CAB39L: variants seen among roughly 807,000 people sequenced by gnomAD.
CAB39L encodes the protein calcium-binding protein 39-like.
In CAB39L, 23 loss-of-function variants were observed where a neutral mutation model predicts 39.1. The observed-to-expected ratio is 0.59, with a 90% CI of 0.42 to 0.83. CAB39L has a LOEUF of 0.83. Ranked by LOEUF, CAB39L falls within the 40% of genes least tolerant of loss-of-function variation. The pLI, the probability that CAB39L is intolerant of heterozygous loss-of-function variation, is 0.00. For missense variants in CAB39L, 366 were observed against 391.9 expected, an observed-to-expected ratio of 0.93 and a Z score of 0.56; for synonymous variants, 126 against 137.2, an observed-to-expected ratio of 0.92 and a Z score of 0.57.
chr13:49,436,709 TTTTGA>T (rs1354816740), intron 1 of CAB39L, among the ~76,000 whole-genome samples: 4 of 151,924 alleles, frequency 2.6e-5, no homozygotes, highest in Admixed American at 2.0e-4. Context: ...CTGATTTTTC[TTTTGA>T]TTTATTTTAT....
At position 49,308,995 on chromosome 13, in the gene CAB39L, C is replaced by T. The variant is rs1251113915; in HGVS notation, c.*1819G>A. 6.6e-6 allele frequency: 1 copy of T among 152,172 alleles called. No homozygotes were observed. The highest frequency in any genetic ancestry group is 2.4e-5 in the African/African-American group (1 of 41,432). The allele number at this position is 152,172 out of a possible 1,614,324, so 9.4% of individuals were successfully genotyped here. On this transcript the variant is annotated 3_prime_UTR_variant, in exon 11 of 11. Transcript: ENST00000409308. ...ACTCTCCAAAGGAAAACAGACGTCCCAAGATGTTGTGGAACAGTATTAAGT... is the reference window on the plus strand; with the variant it reads ...ACTCTCCAAAGGAAAACAGACGTCCTAAGATGTTGTGGAACAGTATTAAGT...
Position 49,414,535 on chromosome 13 carries a change from T to C in CAB39L, c.-32+18783A>G, listed in dbSNP as rs182326962. On this transcript the variant is annotated intron_variant, in intron 3 of 10. Coordinates refer to ENST00000409308, the MANE Select transcript of CAB39L (RefSeq NM_001079670.3). ...TTGAATAAATTATGTTATGCTACCA[T>C]CTTAGAATATTATAGACATATAAAA... Among the ~76,000 whole-genome samples the C allele has an allele frequency of 1.9e-3, 287 of 152,278 alleles. 2 individuals are homozygous for C. The highest frequency in any genetic ancestry group is 6.7e-3 in the African/African-American group (279 of 41,562).
rs538151690 is a variant in CAB39L at position 49,330,998 on chromosome 13, A to G, written c.834+949T>C. Among the ~76,000 whole-genome samples the G allele has an allele frequency of 3.2e-4, 48 of 152,308 alleles. 1 individual carries two copies. In the South Asian group the frequency reaches 3.5e-3, roughly 11 times the overall value. On this transcript the variant is annotated intron_variant, in intron 10 of 10. Coordinates refer to ENST00000409308, the MANE Select transcript of CAB39L (RefSeq NM_001079670.3). ...TAATGAAAATGGTTACTTATGGTAT[A>G]GCATTAAGTAATAAAATTAGGATAT...
In CAB39L at chr13:49,344,255, C is replaced by T. The variant is rs990607278; in HGVS notation, c.565-17G>A. The T allele has an allele frequency of 1.3e-6, 2 of 1,494,708 alleles. No individual in the cohort carries two copies. The highest frequency in any genetic ancestry group is 2.8e-5 in the African/African-American group (2 of 72,422). 92.6% of individuals were successfully genotyped at this position (1,494,708 alleles called of 1,614,324 possible). A position where few individuals can be genotyped will look rare whatever the true frequency, so the allele number is the denominator to read the frequency against. Reference sequence around the variant, plus strand: ...TAGTAAATCCTAGAAAAAGAAAAACCAAGTGAAACAAAACTGTTATAGCTA... The same window carrying T: ...TAGTAAATCCTAGAAAAAGAAAAACTAAGTGAAACAAAACTGTTATAGCTA... On this transcript the variant is annotated splice_polypyrimidine_tract_variant and intron_variant, in intron 7 of 10. Transcript: ENST00000409308.
At chr13:49,311,024 T>C (rs942969662) in intron 10 of CAB39L, 31 bp from the exon 11 acceptor site, 1 of 1,602,530 alleles carries the variant, frequency 6.2e-7, no homozygotes, top group Non-Finnish European at 8.5e-7. Flanking sequence ...TACTTAGGAG[T>C]GCAAGCCAGG....
intron 10 of CAB39L, among the ~76,000 whole-genome samples, chr13:49,322,278 G>A (rs902036499): frequency 2.0e-4 from 31 of 152,128 alleles, no homozygotes; most frequent in African/African-American, 6.0e-4. Context: ...CTTCTTTCAC[G>A]TAGCACAATG....
intron 5 of CAB39L, among the ~76,000 whole-genome samples, chr13:49,366,299 A>G (rs1955768106): frequency 6.6e-6 from 1 of 152,152 alleles, no homozygotes. Flanking sequence ...TGTGGTTATT[A>G]CACATTACAT....
chr13:49,375,239 T>C (rs189393399), intron 5 of CAB39L, among the ~76,000 whole-genome samples: 175 of 152,258 alleles, frequency 1.1e-3, no homozygotes, highest in African/African-American at 3.4e-3. Flanking sequence ...TCCTATTTTA[T>C]AGATGAGAAA....
intron 5 of CAB39L, among the ~76,000 whole-genome samples, chr13:49,366,908 C>T (rs1037880808): frequency 6.6e-6 from 1 of 152,002 alleles, no homozygotes; most frequent in Non-Finnish European, 1.5e-5. Context: ...CCCAGCTACT[C>T]GGGAAGCTGA....
chr13:49,410,395 T>C (rs1215864549), intron 3 of CAB39L, among the ~76,000 whole-genome samples: 1 of 152,230 alleles, frequency 6.6e-6, no homozygotes, highest in Non-Finnish European at 1.5e-5. Context: ...TGTGTCATAC[T>C]CCAATTTTCC....
intron 4 of CAB39L, among the ~76,000 whole-genome samples, chr13:49,380,460 G>A (rs1223935538): frequency 6.6e-6 from 1 of 152,110 alleles, no homozygotes; most frequent in African/African-American, 2.4e-5. Context: ...CAAATCCATA[G>A]AGGCAGAAAG....
chr13:49,363,798 G>A (rs1245139195), intron 5 of CAB39L, among the ~76,000 whole-genome samples: 1 of 150,074 alleles, frequency 6.7e-6, no homozygotes, highest in East Asian at 2.0e-4. Context: ...ACTCCAGCCT[G>A]GATGACAGAG....
intron 5 of CAB39L, 56 bp from the exon 6 acceptor site, chr13:49,359,888 A>T (rs1955586143): frequency 3.2e-6 from 3 of 943,290 alleles, no homozygotes; most frequent in Non-Finnish European, 5.1e-6. Context: ...TGAATTGTAT[A>T]GTATGTGGAA....
At chr13:49,330,894 T>C (rs1186747632) in intron 10 of CAB39L, among the ~76,000 whole-genome samples, 2 of 152,072 alleles carry the variant, frequency 1.3e-5, no homozygotes, top group Non-Finnish European at 2.9e-5. Context: ...GACATAGGAC[T>C]ATTAAACTAG....
intron 1 of CAB39L, among the ~76,000 whole-genome samples, chr13:49,437,896 C>T (rs1183540647): frequency 6.6e-6 from 1 of 152,194 alleles, no homozygotes; most frequent in African/African-American, 2.4e-5. Context: ...TCACAGCTCA[C>T]TGTAGCCTTG....
At chr13:49,390,377 C>G (rs888202451) in intron 3 of CAB39L, among the ~76,000 whole-genome samples, 1 of 152,280 alleles carries the variant, frequency 6.6e-6, no homozygotes, top group South Asian at 2.1e-4. Flanking sequence ...CTTACAAAGT[C>G]CTGGGATAAT....
chr13:49,433,329 T>C lies in CAB39L; in HGVS notation c.-43A>G. Reference sequence around the variant, plus strand: ...TCATACTAGCTTACCTTAGAAGTTGTATATCATTTGCAAATTTGTTTGAAC... The same window carrying C: ...TCATACTAGCTTACCTTAGAAGTTGCATATCATTTGCAAATTTGTTTGAAC... On this transcript the variant is annotated 5_prime_UTR_variant, in exon 3 of 11. In the 5' UTR this introduces an upstream ATG that the reference lacks. Coordinates refer to ENST00000409308, the MANE Select transcript of CAB39L (RefSeq NM_001079670.3). The C allele has an allele frequency of 2.2e-6, 1 of 453,844 alleles. No homozygotes were observed. Among genetic ancestry groups the C allele is most frequent in the Non-Finnish European group, 4.4e-6 (1 of 226,232 alleles). The allele number at this position is 453,844 out of a possible 1,614,324, so 28.1% of individuals were successfully genotyped here. A position where few individuals can be genotyped will look rare whatever the true frequency, so the allele number is the denominator to read the frequency against.
chr13:49,311,667 TG>T lies in CAB39L; in HGVS notation c.835-675del, dbSNP rs1372799754. 2.6e-5 allele frequency among the ~76,000 whole-genome samples: 4 copies of T among 151,980 alleles called. No individual in the cohort carries two copies. The East Asian group carries it at 5.8e-4, about 22-fold the overall frequency. ...AGGCCGAGGCTAATGTGAGTGTTTA[TG>T]TCTTAGTTTTTAACAAAGAAGTTTA... On this transcript the variant is annotated intron_variant, in intron 10 of 10. Coordinates refer to ENST00000409308, the MANE Select transcript of CAB39L (RefSeq NM_001079670.3).
In CAB39L at chr13:49,344,233, TA is replaced by T; in HGVS notation, c.569del (p.Leu190TyrfsTer2). ...ASDAFATFKD[L>X]LTRHKVLVAD... Reference sequence around the variant, plus strand: ...CTACCAACACTTTATGTCTGGTTAGTAAATCCTAGAAAAAGAAAAACCAAGT... The same window carrying T: ...CTACCAACACTTTATGTCTGGTTAGTAATCCTAGAAAAAGAAAAACCAAGT... On this transcript the variant is annotated frameshift_variant, in exon 8 of 11. Transcript: ENST00000409308. LOFTEE classifies it high-confidence loss of function. 1 of 1,587,766 alleles carries T rather than the reference TA, an allele frequency of 6.3e-7. No homozygotes were observed. Among genetic ancestry groups the T allele is most frequent in the Non-Finnish European group, 8.6e-7 (1 of 1,157,112 alleles).
Sources: gnomAD v4.1 joint callset for allele counts (sites outside exome capture counted in the v4.1 genomes callset) on GRCh38, gnomAD v4.1.1 for gene constraint, MANE v1.5 for transcripts, NCBI Gene and HGNC (gene_info 2026-07-23, HGNC 2026-07-21) for gene names.